The following KCNJ6 variants were observed in gnomAD, a reference collection of about 807,000 sequenced individuals.
KCNJ6 encodes the protein potassium inwardly rectifying channel subfamily J member 6.
KCNJ6 carries 9 observed loss-of-function variants against 34.2 expected under a neutral mutation model. The observed-to-expected ratio is 0.26, with a 90% confidence interval of 0.16 to 0.46. The LOEUF is 0.46. KCNJ6 is among the 20% of genes least tolerant of loss of function. The pLI, the probability that KCNJ6 is intolerant of heterozygous loss-of-function variation, is 1.00. For synonymous variants in KCNJ6, 196 were observed against 207.1 expected, an observed-to-expected ratio of 0.95 and a Z score of 0.46; for missense variants, 236 against 531.3, an observed-to-expected ratio of 0.44 and a Z score of 5.46.
chr21:37,611,445 A>G lies in KCNJ6; in HGVS notation c.*13714T>C, dbSNP rs2054242340. The G allele has an allele frequency of 6.6e-6, 1 of 152,196 alleles. No homozygotes were observed. The highest frequency in any genetic ancestry group is 2.4e-5 in the African/African-American group (1 of 41,448). 9.4% of individuals were successfully genotyped at this position (152,196 alleles called of 1,614,324 possible). ...GAAGAAATGATACTGATTATCTACA[A>G]TCTCTTTCAAAAGCTAGAAGCAGAG... On this transcript the variant is annotated 3_prime_UTR_variant, in exon 4 of 4. Coordinates refer to ENST00000609713, the MANE Select transcript of KCNJ6 (RefSeq NM_002240.5).
chr21:37,678,308 A>G (rs139977945), intron 3 of KCNJ6, among the ~76,000 whole-genome samples: 4 of 152,328 alleles, frequency 2.6e-5, no homozygotes, highest in East Asian at 3.9e-4. Flanking sequence ...AAGGACTTCA[A>G]TGATGTCCAA....
intron 2 of KCNJ6, among the ~76,000 whole-genome samples, chr21:37,821,432 G>T (rs2055372660): frequency 6.6e-6 from 1 of 151,992 alleles, no homozygotes. Context: ...TGAAGGACAT[G>T]CAGGTTTGTT....
chr21:37,822,985 G>A (rs1346035207), intron 2 of KCNJ6, among the ~76,000 whole-genome samples: 2 of 152,136 alleles, frequency 1.3e-5, no homozygotes, highest in Non-Finnish European at 2.9e-5. Context: ...CAAGAGCTAA[G>A]GAAACCAGGC....
At chr21:37,753,099 G>A (rs907918218) in intron 2 of KCNJ6, among the ~76,000 whole-genome samples, 2 of 152,226 alleles carry the variant, frequency 1.3e-5, no homozygotes, top group African/African-American at 4.8e-5. Flanking sequence ...CGAGACGGCC[G>A]CATGGAAAGG....
intron 1 of KCNJ6, among the ~76,000 whole-genome samples, chr21:37,867,565 T>G (rs2055629294): frequency 6.6e-6 from 1 of 152,216 alleles, no homozygotes; most frequent in South Asian, 2.1e-4. Context: ...TTTGTTTACG[T>G]ATTTGTACTT....
chr21:37,760,038 A>G (rs2123493620), intron 2 of KCNJ6, among the ~76,000 whole-genome samples: 1 of 152,308 alleles, frequency 6.6e-6, no homozygotes, highest in South Asian at 2.1e-4. Flanking sequence ...AGGCAGCACC[A>G]ACTCGCCAGC....
At chr21:37,824,403 T>C (rs2055388827) in intron 2 of KCNJ6, among the ~76,000 whole-genome samples, 1 of 132,858 alleles carries the variant, frequency 7.5e-6, no homozygotes, top group African/African-American at 3.0e-5. Context: ...AAAAACTGGA[T>C]GGCTTAAAAC....
chr21:37,885,436 GAGA>G (rs1345846856), intron 1 of KCNJ6, among the ~76,000 whole-genome samples: 3 of 152,206 alleles, frequency 2.0e-5, no homozygotes, highest in Admixed American at 1.3e-4. Context: ...AGAGACTTCT[GAGA>G]AGAAGAGATA....
At chr21:37,651,615 A>G (rs1016494390) in intron 3 of KCNJ6, among the ~76,000 whole-genome samples, 2 of 152,178 alleles carry the variant, frequency 1.3e-5, no homozygotes. Context: ...TGGGTTGGAA[A>G]TGGGGACAGG....
intron 2 of KCNJ6, among the ~76,000 whole-genome samples, chr21:37,761,201 T>C (rs924555353): frequency 6.6e-6 from 1 of 150,750 alleles, no homozygotes; most frequent in Middle Eastern, 3.2e-3. Context: ...GATGTGTGTG[T>C]ATGTATTGTG....
At position 37,808,481 on chromosome 21, in the gene KCNJ6, T is replaced by G. The variant is rs185823643; in HGVS notation, c.25+32177A>C. Among the ~76,000 whole-genome samples the G allele has an allele frequency of 2.2e-3, 337 of 152,344 alleles. 2 individuals are homozygous for G. Among genetic ancestry groups the G allele is most frequent in the African/African-American group, 7.6e-3 (314 of 41,584 alleles). ...TCAGAAATGCACAAAGATACATGAA[T>G]CATCCACTTGATGAGGTTATGCCTG... On this transcript the variant is annotated intron_variant, in intron 2 of 3. Coordinates refer to ENST00000609713, the MANE Select transcript of KCNJ6 (RefSeq NM_002240.5).
intron 1 of KCNJ6, among the ~76,000 whole-genome samples, chr21:37,912,812 A>T (rs2055873105): frequency 6.6e-6 from 1 of 152,214 alleles, no homozygotes; most frequent in Admixed American, 6.5e-5. Flanking sequence ...CCACATCCTG[A>T]GTGCTCAGCA....
chr21:37,806,180 C>G (rs1282417185), intron 2 of KCNJ6, among the ~76,000 whole-genome samples: 3 of 152,162 alleles, frequency 2.0e-5, no homozygotes, highest in African/African-American at 4.8e-5. Flanking sequence ...TTAGTTCCTG[C>G]TTTTACAAGT....
At chr21:37,906,835 T>C (rs1283522866) in intron 1 of KCNJ6, among the ~76,000 whole-genome samples, 1 of 152,178 alleles carries the variant, frequency 6.6e-6, no homozygotes. Context: ...CTTTCTGCCC[T>C]CTCTTTATAT....
At chr21:37,884,556 T>G (rs1201478224) in intron 1 of KCNJ6, among the ~76,000 whole-genome samples, 2 of 152,172 alleles carry the variant, frequency 1.3e-5, no homozygotes, top group Non-Finnish European at 2.9e-5. Flanking sequence ...CATTGCCTTC[T>G]GCTACCCCAA....
At chr21:37,656,976 G>T (rs777838093) in intron 3 of KCNJ6, among the ~76,000 whole-genome samples, 13 of 152,192 alleles carry the variant, frequency 8.5e-5, no homozygotes, top group Non-Finnish European at 1.5e-4. Flanking sequence ...CAGTGATGGC[G>T]CTGTCCTGTT....
At chr21:37,676,604 T>C (rs2054565921) in intron 3 of KCNJ6, among the ~76,000 whole-genome samples, 1 of 152,154 alleles carries the variant, frequency 6.6e-6, no homozygotes, top group Non-Finnish European at 1.5e-5. Context: ...CAGGGCCAGC[T>C]TGGGGAGGTA....
At chr21:37,671,739 G>A (rs540978413) in intron 3 of KCNJ6, among the ~76,000 whole-genome samples, 1 of 152,386 alleles carries the variant, frequency 6.6e-6, no homozygotes, top group East Asian at 1.9e-4. Flanking sequence ...ACACAGGGGT[G>A]TCCACTGGAG....
rs544267115 is a variant in KCNJ6 at position 37,760,074 on chromosome 21, T to C, written c.26-44943A>G. Among the ~76,000 whole-genome samples, 139 of 152,312 alleles carry C rather than the reference T, an allele frequency of 9.1e-4. 1 individual carries two copies. Among genetic ancestry groups the C allele is most frequent in the African/African-American group, 3.2e-3 (134 of 41,576 alleles). ...CACGGCTACGAGCTGCTTTAGAAGTTGACTCAGCCCAGTCGAGCCTTCAGA... is the reference window on the plus strand; with the variant it reads ...CACGGCTACGAGCTGCTTTAGAAGTCGACTCAGCCCAGTCGAGCCTTCAGA... On this transcript the variant is annotated intron_variant, in intron 2 of 3. Transcript: ENST00000609713.
Sources: allele counts gnomAD v4.1 joint callset (sites outside exome capture counted in the v4.1 genomes callset), GRCh38; gene constraint gnomAD v4.1.1; transcripts MANE v1.5; gene names NCBI Gene and HGNC (gene_info 2026-07-23, HGNC 2026-07-21).